SPNS3: variants seen among roughly 807,000 people sequenced by gnomAD.
SPNS3 encodes the protein protein spinster homolog 3.
In SPNS3, 51 loss-of-function variants were observed where a neutral mutation model predicts 54.4. The observed-to-expected ratio is 0.94, with a 90% confidence interval of 0.75 to 1.18. The LOEUF (loss-of-function observed/expected upper bound fraction) is 1.18. Among genes scored for constraint, SPNS3 ranks in the 50% most tolerant of loss-of-function variants. The pLI, the probability that SPNS3 is intolerant of heterozygous loss-of-function variation, is 0.00. For synonymous variants in SPNS3, 309 were observed against 294.7 expected (o/e 1.05, Z -0.50); for missense variants, 669 against 677.4 (o/e 0.99, Z 0.14).
chr17:4,472,777 T>A (rs1971891562), intron 8 of SPNS3, among the ~76,000 whole-genome samples: 1 of 13,388 alleles, frequency 7.5e-5, no homozygotes, highest in African/African-American at 4.5e-4. Flanking sequence ...TGGCAGCCTT[T>A]TTTTTTTTTT....
rs1971015533 is a variant in SPNS3 at position 4,447,044 on chromosome 17, T to G, written c.621+82T>G. On this transcript the variant is annotated intron_variant, in intron 5 of 11. Coordinates refer to ENST00000355530, the MANE Select transcript of SPNS3 (RefSeq NM_182538.5). ...CCAGCCTTGGGTGACCTTAGCCACTTGGCGTAGCACCCGGCGCCATTAGGG... is the reference window on the plus strand; with the variant it reads ...CCAGCCTTGGGTGACCTTAGCCACTGGGCGTAGCACCCGGCGCCATTAGGG... 3.3e-6 allele frequency: 5 copies of G among 1,500,878 alleles called. No individual in the cohort carries two copies. In the South Asian group the frequency reaches 5.7e-5, roughly 17 times the overall value. The allele number at this position is 1,500,878 out of a possible 1,614,324, so 93.0% of individuals were successfully genotyped here. A position where few individuals can be genotyped will look rare whatever the true frequency, so the allele number is the denominator to read the frequency against.
intron 7 of SPNS3, among the ~76,000 whole-genome samples, chr17:4,451,293 C>G (rs1419270682): frequency 2.0e-5 from 3 of 148,660 alleles, no homozygotes; most frequent in African/African-American, 7.4e-5. Context: ...TGCTGTGTTG[C>G]TAGGCTGGAG....
intron 8 of SPNS3, among the ~76,000 whole-genome samples, chr17:4,459,632 G>A (rs1356878978): frequency 6.6e-6 from 1 of 152,118 alleles, no homozygotes; most frequent in Non-Finnish European, 1.5e-5. Context: ...AGAATCGCTT[G>A]AACCCAGAAG....
chr17:4,444,573 G>A (rs954306684), intron 2 of SPNS3, among the ~76,000 whole-genome samples: 4 of 152,020 alleles, frequency 2.6e-5, no homozygotes, highest in African/African-American at 7.2e-5. Flanking sequence ...GTAGGCCCAG[G>A]CTGACTTCCC....
chr17:4,472,774 CTTTTTTTTTTTTTTTTTTTTT>C (rs375118697), intron 8 of SPNS3, among the ~76,000 whole-genome samples: 6 of 50,942 alleles, frequency 1.2e-4, no homozygotes, highest in African/African-American at 5.3e-4. Context: ...GCTTGGCAGC[CTTTTTTTTTTTTTTTTTTTTT>C]TTTTTTTTTT....
Position 4,488,191 on chromosome 17 carries a change from A to AT in SPNS3, c.*301dup. 1 of 410,426 alleles carries AT rather than the reference A, an allele frequency of 2.4e-6. No individual in the cohort carries two copies. Among genetic ancestry groups the AT allele is most frequent in the Non-Finnish European group, 4.5e-6 (1 of 223,400 alleles). The allele number at this position is 410,426 out of a possible 1,614,324, so 25.4% of individuals were successfully genotyped here. ...AGAGAGGCCAGTACAAAGCCCATGGATTTTGGGCCTGTAGACAGCCGTGTT... is the reference window on the plus strand; with the variant it reads ...AGAGAGGCCAGTACAAAGCCCATGGATTTTTGGGCCTGTAGACAGCCGTGTT... On this transcript the variant is annotated 3_prime_UTR_variant, in exon 12 of 12. Coordinates refer to ENST00000355530, the MANE Select transcript of SPNS3 (RefSeq NM_182538.5).
intron 8 of SPNS3, among the ~76,000 whole-genome samples, chr17:4,461,356 CTTTTCTTTTTTTTTTTT>C (rs1366382695): frequency 3.5e-5 from 2 of 56,994 alleles, no homozygotes; most frequent in African/African-American, 1.2e-4. Context: ...CTTTTCTTTT[CTTTTCTTTTTTTTTTTT>C]TTTTTTTTTT....
intron 7 of SPNS3, among the ~76,000 whole-genome samples, chr17:4,449,860 G>T (rs2144046676): frequency 6.6e-6 from 1 of 152,218 alleles, no homozygotes; most frequent in South Asian, 2.1e-4. Context: ...GGGAGGGGAG[G>T]CGCGGGCACT....
At chr17:4,481,161 G>C (rs984627577) in intron 9 of SPNS3, among the ~76,000 whole-genome samples, 5 of 152,016 alleles carry the variant, frequency 3.3e-5, no homozygotes, top group Non-Finnish European at 7.4e-5. Context: ...CAGGAAGCTG[G>C]CATTGCTTTT....
At chr17:4,468,298 A>G (rs1192236045) in intron 8 of SPNS3, among the ~76,000 whole-genome samples, 2 of 152,162 alleles carry the variant, frequency 1.3e-5, no homozygotes, top group Non-Finnish European at 2.9e-5. Flanking sequence ...AACAAAAAAT[A>G]AATTAAAAAA....
At chr17:4,446,421 A>G (rs1031512583) in intron 4 of SPNS3, among the ~76,000 whole-genome samples, 2 of 152,068 alleles carry the variant, frequency 1.3e-5, no homozygotes, top group Non-Finnish European at 2.9e-5. Context: ...GGAGGAATAG[A>G]GGTGATGAGG....
At chr17:4,474,107 TGGCAGCAC>T (rs1019662704) in intron 8 of SPNS3, among the ~76,000 whole-genome samples, 1 of 152,240 alleles carries the variant, frequency 6.6e-6, no homozygotes, top group African/African-American at 2.4e-5. Context: ...GTCTGTTGGC[TGGCAGCAC>T]GGCCCACCAG....
intron 8 of SPNS3, among the ~76,000 whole-genome samples, chr17:4,463,199 A>G (rs1419575035): frequency 6.6e-6 from 1 of 151,986 alleles, no homozygotes; most frequent in African/African-American, 2.4e-5. Context: ...GGAGTTCAAG[A>G]CCAGCCTGGC....
chr17:4,458,080 C>CTTCCCAACA (rs1399376819), intron 8 of SPNS3, among the ~76,000 whole-genome samples: 1 of 151,996 alleles, frequency 6.6e-6, no homozygotes, highest in African/African-American at 2.4e-5. Context: ...ATTCAGGCTC[C>CTTCCCAACA]AGTTCTTCCT....
intron 8 of SPNS3, among the ~76,000 whole-genome samples, chr17:4,470,364 G>T (rs1344580786): frequency 6.6e-6 from 1 of 152,152 alleles, no homozygotes; most frequent in African/African-American, 2.4e-5. Context: ...GGAGGCAGAG[G>T]TTGCAGTGAG....
At chr17:4,480,660 G>A (rs1437163478) in intron 9 of SPNS3, among the ~76,000 whole-genome samples, 1 of 152,178 alleles carries the variant, frequency 6.6e-6, no homozygotes, top group Admixed American at 6.5e-5. Flanking sequence ...AGTGTGTGCT[G>A]GAGAGGGCGG....
chr17:4,469,484 C>T (rs1399712679), intron 8 of SPNS3, among the ~76,000 whole-genome samples: 8 of 151,942 alleles, frequency 5.3e-5, no homozygotes, highest in East Asian at 1.9e-4. Context: ...CCGAGGGTGA[C>T]GGTGGGTGCC....
chr17:4,481,244 A>AG (rs1392616423), intron 9 of SPNS3, among the ~76,000 whole-genome samples: 1 of 149,904 alleles, frequency 6.7e-6, no homozygotes, highest in Non-Finnish European at 1.5e-5. Context: ...GCCATGTTTG[A>AG]GGGTGAGCTG....
intron 2 of SPNS3, among the ~76,000 whole-genome samples, chr17:4,441,246 G>C (rs1970839366): frequency 6.6e-6 from 1 of 152,220 alleles, no homozygotes; most frequent in Non-Finnish European, 1.5e-5. Context: ...ATGAGAGCCA[G>C]GTGCAGTGGC....
Sources: allele counts gnomAD v4.1 joint callset (sites outside exome capture counted in the v4.1 genomes callset), GRCh38; gene constraint gnomAD v4.1.1; transcripts MANE v1.5; gene names NCBI Gene and HGNC (gene_info 2026-07-23, HGNC 2026-07-21).